The following PYGL variants were observed in gnomAD, a reference collection of about 807,000 sequenced individuals.
The protein encoded by PYGL is glycogen phosphorylase, liver form.
PYGL carries 90 observed loss-of-function variants against 100.1 expected under a neutral mutation model. The ratio of observed to expected loss-of-function variants is 0.90; its 90% CI spans 0.76 to 1.07. The LOEUF (loss-of-function observed/expected upper bound fraction) is 1.07, where lower values mean the gene tolerates loss of function less well. PYGL is among the 50% of genes least tolerant of loss of function. The probability of loss-of-function intolerance (pLI) is 0.00; values close to 1 mark genes in which losing one functional copy is unlikely to be tolerated. For synonymous variants in PYGL, 373 were observed against 393.0 expected, an observed-to-expected ratio of 0.95 and a Z score of 0.60; for missense variants, 1,016 against 1,057.6, an observed-to-expected ratio of 0.96 and a Z score of 0.55.
chr14:50,912,633 C>T (rs1290437507), intron 13 of PYGL, among the ~76,000 whole-genome samples: 7 of 152,128 alleles, frequency 4.6e-5, no homozygotes, highest in African/African-American at 9.7e-5. Context: ...TGAGCCACCG[C>T]GCCCGGCTGG....
intron 4 of PYGL, among the ~76,000 whole-genome samples, chr14:50,927,572 A>G (rs1208546562): frequency 6.6e-6 from 1 of 152,180 alleles, no homozygotes; most frequent in African/African-American, 2.4e-5. Context: ...TCTTAATGCC[A>G]TCAAATGTTG....
intron 4 of PYGL, among the ~76,000 whole-genome samples, chr14:50,924,593 A>T (rs941212257): frequency 1.3e-5 from 2 of 152,224 alleles, no homozygotes; most frequent in Non-Finnish European, 2.9e-5. Context: ...AGAAAATGCT[A>T]CTTACAGAAC....
rs182751642 is a variant in PYGL at position 50,907,194 on chromosome 14, C to T, written c.2379+1077G>A. Among the ~76,000 whole-genome samples the T allele has an allele frequency of 1.5e-3, 227 of 152,056 alleles. 2 individuals carry two copies. The highest frequency in any genetic ancestry group is 5.3e-3 in the African/African-American group (218 of 41,472). The stretch of plus-strand genomic sequence containing the variant: ...CTTATTCACATGGCTCTACCCATCC[C>T]TTTTTTTTCCCCTCAGTATAGTATT... On this transcript the variant is annotated intron_variant, in intron 19 of 19. Coordinates refer to ENST00000216392, the MANE Select transcript of PYGL (RefSeq NM_002863.5).
chr14:50,939,071 C>T (rs545107122), intron 1 of PYGL, among the ~76,000 whole-genome samples: 1 of 152,232 alleles, frequency 6.6e-6, no homozygotes, highest in African/African-American at 2.4e-5. Flanking sequence ...GACACAGTCT[C>T]CCTCTGTCGG....
chr14:50,911,288 C>G (rs368356262), intron 16 of PYGL, among the ~76,000 whole-genome samples: 39 of 152,334 alleles, frequency 2.6e-4, no homozygotes, highest in African/African-American at 8.2e-4. Context: ...TTGGCAGCCT[C>G]ACATCTGCCC....
chr14:50,906,256 G>A (rs114753671), intron 19 of PYGL, among the ~76,000 whole-genome samples: 4,190 of 152,234 alleles, frequency 0.028, 84 homozygotes, highest in African/African-American at 0.056. Flanking sequence ...TATTGGAAGT[G>A]AACAGAACAT....
At chr14:50,910,357 T>C (rs1448411873) in intron 16 of PYGL, among the ~76,000 whole-genome samples, 2 of 152,246 alleles carry the variant, frequency 1.3e-5, no homozygotes. Context: ...GCGACAAACA[T>C]TGATACTACA....
In PYGL at chr14:50,912,908, C is replaced by T. The variant is rs917932747; in HGVS notation, c.1620+121G>A. The stretch of plus-strand genomic sequence containing the variant: ...GGCGGAGGTTGCAGTGAGCCGAGAT[C>T]GTGCCACTGCACTCCAGCCTGGGCA... On this transcript the variant is annotated intron_variant, in intron 13 of 19. Transcript: ENST00000216392. The T allele has an allele frequency of 5.5e-5, 47 of 854,034 alleles. 1 individual carries two copies. The highest frequency in any genetic ancestry group is 6.4e-5 in the Non-Finnish European group (34 of 531,872). The allele number at this position is 854,034 out of a possible 1,614,324, so 52.9% of individuals were successfully genotyped here. A position where few individuals can be genotyped will look rare whatever the true frequency, so the allele number is the denominator to read the frequency against.
At chr14:50,906,036 C>T (rs1045456877) in intron 19 of PYGL, among the ~76,000 whole-genome samples, 2 of 152,152 alleles carry the variant, frequency 1.3e-5, no homozygotes, top group Non-Finnish European at 2.9e-5. Flanking sequence ...CTTTATTGAC[C>T]TACTTAGCTT....
intron 5 of PYGL, among the ~76,000 whole-genome samples, chr14:50,922,070 C>A (rs140206016): frequency 1.6e-3 from 241 of 152,314 alleles, no homozygotes; most frequent in Non-Finnish European, 2.3e-3. Flanking sequence ...CTATGTTTCA[C>A]AGTGCATCGA....
At chr14:50,919,416 T>C (rs368766841) in intron 7 of PYGL, among the ~76,000 whole-genome samples, 39 of 152,326 alleles carry the variant, frequency 2.6e-4, no homozygotes, top group African/African-American at 8.2e-4. Context: ...ATCATCTTCC[T>C]TTCTGAGAGA....
intron 5 of PYGL, among the ~76,000 whole-genome samples, chr14:50,922,077 T>C (rs2050507860): frequency 6.6e-6 from 1 of 152,204 alleles, no homozygotes; most frequent in Non-Finnish European, 1.5e-5. Context: ...TCACAGTGCA[T>C]CGAAAATTCA....
At chr14:50,933,574 T>A (rs1221336525) in intron 3 of PYGL, among the ~76,000 whole-genome samples, 2 of 152,188 alleles carry the variant, frequency 1.3e-5, no homozygotes, top group Admixed American at 1.3e-4. Context: ...AAATAATACA[T>A]TAATGCATCT....
chr14:50,931,965 T>C (rs1291863202), intron 3 of PYGL, among the ~76,000 whole-genome samples, 189 bp from the exon 4 acceptor site: 1 of 152,184 alleles, frequency 6.6e-6, no homozygotes, highest in Non-Finnish European at 1.5e-5. Context: ...ATTATAAAAT[T>C]AATACTATAG....
At chr14:50,927,176 C>T (rs1439977088) in intron 4 of PYGL, among the ~76,000 whole-genome samples, 1 of 152,128 alleles carries the variant, frequency 6.6e-6, no homozygotes, top group Non-Finnish European at 1.5e-5. Flanking sequence ...CCTGTGGGCT[C>T]AGTCCCTGAC....
chr14:50,915,609 A>G (rs1011502610), intron 10 of PYGL, 110 bp from the exon 11 acceptor site: 4 of 1,469,456 alleles, frequency 2.7e-6, no homozygotes, highest in Admixed American at 1.8e-5. Flanking sequence ...TATAAACTTC[A>G]CTACCACAGG....
At chr14:50,916,049 T>C (rs1229290046) in intron 9 of PYGL, 78 bp from the exon 10 acceptor site, 1 of 1,578,692 alleles carries the variant, frequency 6.3e-7, no homozygotes, top group African/African-American at 1.3e-5. Context: ...TCTTCAACCC[T>C]GCCCTGTCTG....
intron 7 of PYGL, 147 bp downstream of exon 7, chr14:50,920,394 G>T: frequency 2.4e-6 from 2 of 819,164 alleles, no homozygotes; most frequent in Non-Finnish European, 2.0e-6. Context: ...GTTGGGAGGA[G>T]AAATCTACAC....
chr14:50,914,904 G>A, intron 11 of PYGL, 89 bp from the exon 12 acceptor site: 1 of 968,276 alleles, frequency 1.0e-6, no homozygotes, highest in Non-Finnish European at 1.7e-6. Flanking sequence ...TATTCAAGAA[G>A]CCAAGTGCAG....
Sources: allele counts gnomAD v4.1 joint callset (sites outside exome capture counted in the v4.1 genomes callset), GRCh38; gene constraint gnomAD v4.1.1; transcripts MANE v1.5; gene names NCBI Gene and HGNC (gene_info 2026-07-23, HGNC 2026-07-21).